RSF1: variants seen among roughly 807,000 people sequenced by gnomAD.
RSF1 encodes HBV pX-associated protein 8.
In RSF1, 13 loss-of-function variants were observed where a neutral mutation model predicts 145.2. That is an observed-to-expected ratio of 0.09 (90% CI 0.06 to 0.14). The LOEUF (loss-of-function observed/expected upper bound fraction) is 0.14. Ranked by LOEUF, RSF1 falls within the 10% of genes least tolerant of loss-of-function variation. The pLI, the probability that RSF1 is intolerant of heterozygous loss-of-function variation, is 1.00. For synonymous variants in RSF1, 577 were observed against 592.6 expected (o/e 0.97, Z 0.38); for missense variants, 1,517 against 1,718.2 (o/e 0.88, Z 2.07).
chr11:77,803,707 G>A (rs1948649186), intron 1 of RSF1, among the ~76,000 whole-genome samples: 1 of 152,036 alleles, frequency 6.6e-6, no homozygotes, highest in Non-Finnish European at 1.5e-5. Context: ...TAAACCTGAA[G>A]GCGGAGGTTG....
intron 5 of RSF1, among the ~76,000 whole-genome samples, chr11:77,705,513 T>C (rs530235866): frequency 3.8e-4 from 58 of 152,234 alleles, no homozygotes; most frequent in African/African-American, 1.3e-3. Flanking sequence ...TAGAAGACAC[T>C]GAGTTGCCTG....
intron 5 of RSF1, among the ~76,000 whole-genome samples, chr11:77,708,804 T>C (rs1414279086): frequency 3.3e-5 from 5 of 152,274 alleles, no homozygotes; most frequent in South Asian, 2.1e-4. Flanking sequence ...CTGTTACAAA[T>C]AGTCCCCACT....
chr11:77,674,974 G>A, intron 14 of RSF1, 62 bp downstream of exon 14: 1 of 1,359,166 alleles, frequency 7.4e-7, no homozygotes, highest in Non-Finnish European at 1.0e-6. Context: ...ACTCCAGCAT[G>A]AGCAACAAGA....
At position 77,667,139 on chromosome 11, in the gene RSF1, T is replaced by A; in HGVS notation, c.4104A>T (p.Leu1368Phe). 6.2e-7 allele frequency: 1 copy of A among 1,614,220 alleles called. No individual in the cohort carries two copies. Residue 1368 changes from leucine (L) to phenylalanine (F), a missense_variant, in exon 16 of 16, where the codon TTA (leucine) becomes TTT (phenylalanine). Physicochemically the swap from Leu to Phe is conservative, Grantham distance 22. Around this residue, in one of 12 missense-constraint regions of RSF1, gnomAD observed 240 missense variants for 231.8 expected, o/e 1.04. Coordinates refer to ENST00000308488, the MANE Select transcript of RSF1 (RefSeq NM_016578.4). ...GSPLDYSLVD[L>F]PSTNGQSPGK... ...CAGGGCTCTGTCCATTGGTTGAAGG[T>A]AAGTCCACTAAGCTATAGTCCAATG...
chr11:77,846,269 T>C, the RSF1 span, among the ~76,000 whole-genome samples: 2 of 152,222 alleles, frequency 1.3e-5, no homozygotes, highest in Non-Finnish European at 2.9e-5. Context: ...CAGTTGCCTT[T>C]CTTATTATTC....
chr11:77,685,641 T>G (rs1054683344), intron 9 of RSF1, among the ~76,000 whole-genome samples: 1 of 152,158 alleles, frequency 6.6e-6, no homozygotes, highest in African/African-American at 2.4e-5. Flanking sequence ...TTAGTATGTG[T>G]GGGGAGCTCA....
chr11:77,740,829 G>A lies in RSF1; in HGVS notation c.480C>T (p.Gly160=). The change falls in exon 4 of 16, where the codon GGC becomes GGT. Residue 160 remains glycine, a synonymous_variant. Coordinates refer to ENST00000308488, the MANE Select transcript of RSF1 (RefSeq NM_016578.4). The stretch of plus-strand genomic sequence containing the variant: ...GATCCAATTGGTACCAGTACATGAG[G>A]CCATCTTTGTCTCGACCAATTGGCT... The part of the protein sequence containing the change: ...RLQPIGRDKD[G]LMYWYQLDQD... The A allele has an allele frequency of 6.2e-7, 1 of 1,613,966 alleles. No individual in the cohort carries two copies. The highest frequency in any genetic ancestry group is 8.5e-7 in the Non-Finnish European group (1 of 1,179,860).
chr11:77,855,129 C>T, the RSF1 span, among the ~76,000 whole-genome samples: 40 of 152,278 alleles, frequency 2.6e-4, no homozygotes, highest in Admixed American at 2.6e-3. Flanking sequence ...GCAGTGAGGC[C>T]TTGTACCTGT....
At chr11:77,698,253 A>G (rs1255526221) in intron 7 of RSF1, among the ~76,000 whole-genome samples, 1 of 152,254 alleles carries the variant, frequency 6.6e-6, no homozygotes, top group Non-Finnish European at 1.5e-5. Flanking sequence ...ATTGAGGTGT[A>G]TTATTATGTA....
intron 1 of RSF1, among the ~76,000 whole-genome samples, chr11:77,789,713 C>A (rs1156721248): frequency 6.6e-6 from 1 of 152,184 alleles, no homozygotes; most frequent in African/African-American, 2.4e-5. Flanking sequence ...CTGGGGAATG[C>A]CCCGCACCTG....
At chr11:77,749,397 C>T (rs1453637072) in intron 2 of RSF1, among the ~76,000 whole-genome samples, 1 of 152,112 alleles carries the variant, frequency 6.6e-6, no homozygotes, top group African/African-American at 2.4e-5. Context: ...ATTGAGTGCT[C>T]GGTTGAGTAC....
the RSF1 span, among the ~76,000 whole-genome samples, chr11:77,841,541 T>G: frequency 6.6e-6 from 1 of 152,204 alleles, no homozygotes; most frequent in Non-Finnish European, 1.5e-5. Context: ...GCGTTCAAAG[T>G]CCAGCTGTTG....
intron 1 of RSF1, among the ~76,000 whole-genome samples, chr11:77,766,797 G>T (rs1405840978): frequency 6.6e-6 from 1 of 152,188 alleles, no homozygotes; most frequent in South Asian, 2.1e-4. Context: ...ATTGGAGGAA[G>T]ACAGATTTTT....
At chr11:77,813,020 G>A (rs538927236) in intron 1 of RSF1, among the ~76,000 whole-genome samples, 2 of 151,226 alleles carry the variant, frequency 1.3e-5, no homozygotes, top group East Asian at 3.9e-4. Context: ...CTTGCTCTTT[G>A]TCCAGCCTCT....
At chr11:77,838,856 T>C in the RSF1 span, among the ~76,000 whole-genome samples, 213 of 152,228 alleles carry the variant, frequency 1.4e-3, 1 homozygote, top group African/African-American at 4.9e-3. Context: ...GACCTCGTGA[T>C]CCGCCCACCT....
upstream of RSF1, among the ~76,000 whole-genome samples, chr11:77,823,228 A>AG (rs1411577576): frequency 2.0e-4 from 30 of 151,406 alleles, 1 homozygote; most frequent in Non-Finnish European, 3.4e-4. Context: ...AAAAAAAAAA[A>AG]AAAAAAGAAA....
intron 5 of RSF1, 107 bp downstream of exon 5, chr11:77,725,438 C>G (rs1200030901): frequency 1.1e-5 from 10 of 950,096 alleles, no homozygotes; most frequent in African/African-American, 3.4e-5. Context: ...AAGAAGGCTC[C>G]CAATTCAAAT....
chr11:77,759,968 T>A (rs1163718536), intron 2 of RSF1, among the ~76,000 whole-genome samples: 1 of 152,110 alleles, frequency 6.6e-6, no homozygotes, highest in Non-Finnish European at 1.5e-5. Flanking sequence ...TAAATTGCTA[T>A]GAATACAACA....
intron 1 of RSF1, among the ~76,000 whole-genome samples, chr11:77,816,738 C>G (rs758302097): frequency 2.0e-5 from 3 of 152,196 alleles, no homozygotes; most frequent in Admixed American, 2.0e-4. Flanking sequence ...CTCACAAAGT[C>G]AACGTCAACT....
Sources: gnomAD v4.1 joint callset for allele counts (sites outside exome capture counted in the v4.1 genomes callset) on GRCh38, gnomAD v4.1.1 for gene constraint, gnomAD v4.1.1 regional missense constraint, MANE v1.5 for transcripts, NCBI Gene and HGNC (gene_info 2026-07-23, HGNC 2026-07-21) for gene names.